MYO1E: variants seen among roughly 807,000 people sequenced by gnomAD.
The protein encoded by MYO1E is unconventional myosin-Ie.
In MYO1E, 68 loss-of-function variants were observed where a neutral mutation model predicts 151.1. The observed-to-expected ratio is 0.45, with a 90% confidence interval of 0.37 to 0.55. The LOEUF (loss-of-function observed/expected upper bound fraction) is 0.55. MYO1E is among the 20% of genes least tolerant of loss of function. The probability of loss-of-function intolerance (pLI) is 0.00; values close to 1 mark genes in which losing one functional copy is unlikely to be tolerated. For synonymous variants in MYO1E, 601 were observed against 501.7 expected, an observed-to-expected ratio of 1.20 and a Z score of -2.64; for missense variants, 1,363 against 1,389.3, an observed-to-expected ratio of 0.98 and a Z score of 0.30.
At chr15:59,303,862 G>T (rs1334958876) in intron 1 of MYO1E, among the ~76,000 whole-genome samples, 2 of 152,070 alleles carry the variant, frequency 1.3e-5, no homozygotes, top group Admixed American at 1.3e-4. Context: ...AACAACAGCA[G>T]GAATATAATG....
chr15:59,175,574 A>G (rs113634616), intron 19 of MYO1E, among the ~76,000 whole-genome samples: 3 of 152,338 alleles, frequency 2.0e-5, no homozygotes, highest in Non-Finnish European at 2.9e-5. Context: ...AACAATAGGC[A>G]TAAGGACAGA....
In MYO1E at chr15:59,206,910, T is replaced by TTC. The variant is rs1296759217; in HGVS notation, c.1531-1427_1531-1426dup. 6 of 1,588,930 alleles carry TTC rather than the reference T, an allele frequency of 3.8e-6. No individual in the cohort carries two copies. The South Asian group carries it at 5.7e-5, about 15-fold the overall frequency. On this transcript the variant is annotated intron_variant, in intron 14 of 27. Transcript: ENST00000288235. ...CGTTCGGATCAGCAGCTTTTTTCCATTCTCTCTCTCCACTTCTTCAGTGAG... is the reference window on the plus strand; with the variant it reads ...CGTTCGGATCAGCAGCTTTTTTCCATTCTCTCTCTCTCCACTTCTTCAGTGAG...
At chr15:59,196,986 C>CTTTT (rs71977305) in intron 16 of MYO1E, among the ~76,000 whole-genome samples, 12,677 of 70,958 alleles carry the variant, frequency 0.18, 4,283 homozygotes, top group East Asian at 0.48. Context: ...TTAATTACGA[C>CTTTT]TTTTTTTTTT....
chr15:59,329,089 T>A (rs1169264112), intron 1 of MYO1E, among the ~76,000 whole-genome samples: 2 of 152,210 alleles, frequency 1.3e-5, no homozygotes, highest in Non-Finnish European at 2.9e-5. Context: ...GAGAATATTA[T>A]TCATGACAAC....
intron 19 of MYO1E, among the ~76,000 whole-genome samples, chr15:59,175,971 A>G (rs2079622345): frequency 6.6e-6 from 1 of 152,220 alleles, no homozygotes; most frequent in South Asian, 2.1e-4. Context: ...AAACACACAA[A>G]ACAACCTTAA....
intron 1 of MYO1E, among the ~76,000 whole-genome samples, chr15:59,356,233 G>A (rs1340733764): frequency 2.0e-5 from 3 of 152,182 alleles, no homozygotes; most frequent in Non-Finnish European, 4.4e-5. Flanking sequence ...CTGGCTTTCA[G>A]GTGCCCTTTT....
chr15:59,206,004 C>T (rs2079831239), intron 14 of MYO1E, among the ~76,000 whole-genome samples: 1 of 152,112 alleles, frequency 6.6e-6, no homozygotes, highest in Non-Finnish European at 1.5e-5. Flanking sequence ...CTCTGTTTAA[C>T]AAGAGATCAG....
At chr15:59,266,010 C>G (rs1316287406) in intron 2 of MYO1E, among the ~76,000 whole-genome samples, 1 of 151,938 alleles carries the variant, frequency 6.6e-6, no homozygotes, top group Non-Finnish European at 1.5e-5. Context: ...ATGGCTGTTT[C>G]TACAGAAAAA....
intron 9 of MYO1E, among the ~76,000 whole-genome samples, chr15:59,221,011 T>TTAATATATATAATTA: frequency 6.9e-6 from 1 of 144,614 alleles, no homozygotes; most frequent in South Asian, 2.1e-4. Context: ...ATATATATAA[T>TTAATATATATAATTA]ATATATATAA....
Position 59,153,577 on chromosome 15 carries a change from G to T in MYO1E, c.3080+13C>A. On this transcript the variant is annotated intron_variant, in intron 26 of 27. Transcript: ENST00000288235. ...AGCTTGCCGGCTTCATCCAGAGGATGTGAGAATCTTACCCTGCAGCTCCCT... is the reference window on the plus strand; with the variant it reads ...AGCTTGCCGGCTTCATCCAGAGGATTTGAGAATCTTACCCTGCAGCTCCCT... 1 of 1,613,378 alleles carries T rather than the reference G, an allele frequency of 6.2e-7. No homozygotes were observed. Among genetic ancestry groups the T allele is most frequent in the Non-Finnish European group, 8.5e-7 (1 of 1,179,544 alleles).
chr15:59,330,792 C>T (rs1429130506), intron 1 of MYO1E, among the ~76,000 whole-genome samples: 3 of 151,892 alleles, frequency 2.0e-5, no homozygotes, highest in South Asian at 2.1e-4. Context: ...TTTTTGAGAC[C>T]GAGTCTTGCT....
chr15:59,341,506 C>G (rs2080765783), intron 1 of MYO1E: 1 of 152,156 alleles, frequency 6.6e-6, no homozygotes, highest in Admixed American at 6.5e-5. Context: ...TTCTCCTTCC[C>G]AGCCTCTGGT....
intron 13 of MYO1E, chr15:59,209,095 C>G (rs1156641104): frequency 9.0e-6 from 5 of 558,018 alleles, no homozygotes; most frequent in Non-Finnish European, 1.3e-5. Flanking sequence ...ATCCAAGAGT[C>G]ATGCACAGAT....
chr15:59,168,198 T>A (rs915925475), intron 22 of MYO1E, among the ~76,000 whole-genome samples: 1 of 152,178 alleles, frequency 6.6e-6, no homozygotes, highest in African/African-American at 2.4e-5. Flanking sequence ...AAATTTAACA[T>A]CTACTGGAGG....
At chr15:59,250,780 C>T (rs2140367117) in intron 4 of MYO1E, among the ~76,000 whole-genome samples, 1 of 152,240 alleles carries the variant, frequency 6.6e-6, no homozygotes, top group Admixed American at 6.5e-5. Context: ...TAAATTAAAG[C>T]ACATCTCCTA....
At chr15:59,137,982 A>G (rs1041070102) in intron 27 of MYO1E, among the ~76,000 whole-genome samples, 5 of 152,366 alleles carry the variant, frequency 3.3e-5, no homozygotes, top group African/African-American at 1.2e-4. Flanking sequence ...GAAGAAAAAC[A>G]GCTTGACAAG....
Position 59,137,329 on chromosome 15 carries a change from CT to C in MYO1E, c.*50del, listed in dbSNP as rs774181219. The C allele has an allele frequency of 2.0e-6, 3 of 1,520,918 alleles. No individual in the cohort carries two copies. In the Admixed American group the frequency reaches 5.0e-5, roughly 25 times the overall value. The allele number at this position is 1,520,918 out of a possible 1,614,324, so 94.2% of individuals were successfully genotyped here. On this transcript the variant is annotated 3_prime_UTR_variant, in exon 28 of 28. Coordinates refer to ENST00000288235, the MANE Select transcript of MYO1E (RefSeq NM_004998.4). ...GGGGAGCCCCTAAATATCCCCTCCC[CT>C]GGTCTGTGCCTGGAGCTCCTCTGCC...
intron 1 of MYO1E, among the ~76,000 whole-genome samples, chr15:59,295,536 C>T (rs2080443619): frequency 1.3e-5 from 2 of 152,194 alleles, no homozygotes; most frequent in South Asian, 4.1e-4. Context: ...CAGCCCAGGT[C>T]ATGCAGAAAA....
intron 17 of MYO1E, among the ~76,000 whole-genome samples, chr15:59,193,779 G>T (rs1401543347): frequency 6.6e-6 from 1 of 152,204 alleles, no homozygotes; most frequent in East Asian, 1.9e-4. Context: ...GGTCACCTTA[G>T]CAAGTATGAG....
Sources: allele counts gnomAD v4.1 joint callset (sites outside exome capture counted in the v4.1 genomes callset), GRCh38; gene constraint gnomAD v4.1.1; transcripts MANE v1.5; gene names NCBI Gene and HGNC (gene_info 2026-07-23, HGNC 2026-07-21).